Variants in A2ML1 observed in about 807,000 individuals in gnomAD.
A2ML1 encodes alpha-2-macroglobulin-like protein 1.
A neutral mutation model predicts 181.9 loss-of-function variants in A2ML1; 161 were observed. The observed-to-expected ratio is 0.89, with a 90% CI of 0.78 to 1.01. A2ML1 has a LOEUF of 1.01. Among genes scored for constraint, A2ML1 ranks in the 50% least tolerant of loss-of-function variants. The pLI, the probability that A2ML1 is intolerant of heterozygous loss-of-function variation, is 0.00. For synonymous variants in A2ML1, 663 were observed against 666.8 expected (o/e 0.99, Z 0.09); for missense variants, 1,670 against 1,768.1 (o/e 0.94, Z 1.00).
chr12:8,846,998 G>A (rs1456107938), intron 14 of A2ML1, among the ~76,000 whole-genome samples: 1 of 150,624 alleles, frequency 6.6e-6, no homozygotes, highest in East Asian at 2.0e-4. Flanking sequence ...GCAATGGTGC[G>A]ATCTCGGCTC....
rs201882887 is a variant in A2ML1 at position 8,851,769 on chromosome 12, C to T, written c.2235-15C>T. The T allele has an allele frequency of 4.3e-6, 7 of 1,613,412 alleles. No individual in the cohort carries two copies. In the African/African-American group the frequency reaches 8.0e-5, roughly 18 times the overall value. On this transcript the variant is annotated splice_polypyrimidine_tract_variant and intron_variant, in intron 18 of 35. Coordinates refer to ENST00000299698, the MANE Select transcript of A2ML1 (RefSeq NM_144670.6). ...ACGCTACCTCTGCCTCATGTTGGTC[C>T]TTGTGTTTTCACAGTAACTCGGGGA...
At chr12:8,829,070 C>T (rs1179216663) in intron 3 of A2ML1, among the ~76,000 whole-genome samples, 1 of 152,208 alleles carries the variant, frequency 6.6e-6, no homozygotes, top group Non-Finnish European at 1.5e-5. Context: ...TTTCTACCCT[C>T]TTCAGTGCCT....
Position 8,857,091 on chromosome 12 carries a change from T to A in A2ML1, c.2849-73T>A. ...TGATAGCTAATACGTGTTTGTTCAG[T>A]GAATGATGATAACTCTTAGAGGGTC... On this transcript the variant is annotated intron_variant, in intron 23 of 35. Coordinates refer to ENST00000299698, the MANE Select transcript of A2ML1 (RefSeq NM_144670.6). 7 of 1,427,436 alleles carry A rather than the reference T, an allele frequency of 4.9e-6. No homozygotes were observed. The South Asian group carries it at 9.0e-5, about 18-fold the overall frequency. 88.4% of individuals were successfully genotyped at this position (1,427,436 alleles called of 1,614,324 possible).
At chr12:8,842,514 C>T (rs1004144986) in intron 11 of A2ML1, among the ~76,000 whole-genome samples, 11 of 152,146 alleles carry the variant, frequency 7.2e-5, no homozygotes, top group South Asian at 2.1e-4. Context: ...CCACCGCGCC[C>T]GGCCCCTGTT....
intron 2 of A2ML1, 177 bp from the exon 3 acceptor site, chr12:8,823,543 G>A (rs1005749078): frequency 9.3e-7 from 1 of 1,078,020 alleles, no homozygotes; most frequent in Admixed American, 2.4e-5. Flanking sequence ...CTCGACCTAG[G>A]ATTTCTCCCT....
At position 8,863,669 on chromosome 12, in the gene A2ML1, T is replaced by C. The variant is rs374644950; in HGVS notation, c.3503-125T>C. The C allele has an allele frequency of 5.7e-4, 506 of 883,332 alleles. 10 individuals are homozygous for C. The South Asian group carries it at 8.4e-3, about 15-fold the overall frequency. The allele number at this position is 883,332 out of a possible 1,614,324, so 54.7% of individuals were successfully genotyped here. A position where few individuals can be genotyped will look rare whatever the true frequency, so the allele number is the denominator to read the frequency against. ...AATTAATCAGCTAAATCTAAGAAAT[T>C]TTTTTTCTACTCTGTTTAATTCTCA... On this transcript the variant is annotated intron_variant, in intron 28 of 35. Coordinates refer to ENST00000299698, the MANE Select transcript of A2ML1 (RefSeq NM_144670.6).
At position 8,885,213 on chromosome 12, in the gene A2ML1, A is replaced by C. The variant is rs753296094; in HGVS notation, c.*95-1294A>C. On this transcript the variant is annotated intron_variant and NMD_transcript_variant, in intron 7 of 7. Coordinates refer to the A2ML1 transcript ENST00000537475. ...TGTCTTTTGGTGAACAAAAGTTCTTAATTTTAATATAGTTCAAGTGAGTGA... is the reference window on the plus strand; with the variant it reads ...TGTCTTTTGGTGAACAAAAGTTCTTCATTTTAATATAGTTCAAGTGAGTGA... Among the ~76,000 whole-genome samples, 4 of 152,252 alleles carry C rather than the reference A, an allele frequency of 2.6e-5. No homozygotes were observed. The South Asian group carries it at 6.2e-4, about 24-fold the overall frequency.
At chr12:8,856,889 C>G (rs1478030373) in intron 23 of A2ML1, among the ~76,000 whole-genome samples, 1 of 141,180 alleles carries the variant, frequency 7.1e-6, no homozygotes, top group African/African-American at 2.7e-5. Flanking sequence ...CCAGGACACA[C>G]AGTAGGTACT....
At position 8,849,585 on chromosome 12, in the gene A2ML1, T is replaced by C. The variant is rs1943816951; in HGVS notation, c.2029-84T>C. The C allele has an allele frequency of 6.3e-6, 7 of 1,105,512 alleles. No homozygotes were observed. The Admixed American group carries it at 9.7e-5, about 15-fold the overall frequency. 68.5% of individuals were successfully genotyped at this position (1,105,512 alleles called of 1,614,324 possible). A position where few individuals can be genotyped will look rare whatever the true frequency, so the allele number is the denominator to read the frequency against. On this transcript the variant is annotated intron_variant, in intron 16 of 35. Coordinates refer to ENST00000299698, the MANE Select transcript of A2ML1 (RefSeq NM_144670.6). ...TTCAAAAAGAATGTTTTGTTTCAAC[T>C]CTTTGATGGTGGAATTCCTGGGCAG... is the stretch of plus-strand genomic sequence containing the variant.
At chr12:8,831,129 T>G (rs1183556647) in intron 4 of A2ML1, among the ~76,000 whole-genome samples, 1 of 151,990 alleles carries the variant, frequency 6.6e-6, no homozygotes, top group Non-Finnish European at 1.5e-5. Flanking sequence ...ATTTTATTTT[T>G]TTGTAGAGTT....
intron 4 of A2ML1, 115 bp downstream of exon 4, chr12:8,829,894 G>A: frequency 2.4e-6 from 3 of 1,270,690 alleles, no homozygotes; most frequent in Non-Finnish European, 3.4e-6. Flanking sequence ...CCTCTGGGTT[G>A]GAGACTGCTG....
intron 7 of A2ML1, among the ~76,000 whole-genome samples, chr12:8,884,075 C>T (rs1481782381): frequency 2.0e-5 from 3 of 152,162 alleles, no homozygotes; most frequent in East Asian, 1.9e-4. Flanking sequence ...CGTGACCCAC[C>T]ACACCTGGCC....
At chr12:8,872,980 G>C (rs940328874) in intron 33 of A2ML1, among the ~76,000 whole-genome samples, 2 of 151,608 alleles carry the variant, frequency 1.3e-5, no homozygotes. Context: ...CTGTATACTT[G>C]TTTTGTTTTT....
chr12:8,848,798 C>T lies in A2ML1; in HGVS notation c.1912C>T (p.Pro638Ser). The T allele has an allele frequency of 6.2e-7, 1 of 1,614,102 alleles. No individual in the cohort carries two copies. Among genetic ancestry groups the T allele is most frequent in the Non-Finnish European group, 8.5e-7 (1 of 1,180,008 alleles). ...AEYDQCPVSG[P>S]WDFPQPLIDP... ...GTATGATCAGTGTCCAGTGTCTGGC[C>T]CATGGGACTTTCCTCAGCCCCTCAT... Residue 638 changes from proline (P) to serine (S), a missense_variant, in exon 16 of 36, where the codon CCA (proline) becomes TCA (serine). By Grantham distance (74) the Pro-to-Ser change is moderately conservative (BLOSUM62 -1). Transcript: ENST00000299698.
At chr12:8,838,694 C>T (rs1943367274) in intron 9 of A2ML1, among the ~76,000 whole-genome samples, 1 of 151,714 alleles carries the variant, frequency 6.6e-6, no homozygotes, top group Admixed American at 6.6e-5. Flanking sequence ...GGGCAGATCA[C>T]GAGGTCAGGA....
intron 1 of A2ML1, 109 bp downstream of exon 1, chr12:8,822,822 C>T (rs938405617): frequency 3.0e-5 from 31 of 1,023,558 alleles, no homozygotes; most frequent in Non-Finnish European, 3.6e-5. Context: ...ATCTTAATTT[C>T]CTCCTCCTTT....
chr12:8,854,698 G>A, intron 21 of A2ML1, 82 bp from the exon 22 acceptor site: 1 of 1,494,426 alleles, frequency 6.7e-7, no homozygotes, highest in Admixed American at 1.7e-5. Context: ...GCACAGCGAG[G>A]GGCCTCCCTT....
rs199651558 is a variant in A2ML1 at position 8,854,214 on chromosome 12, C to G, written c.2677C>G (p.Arg893Gly). The G allele has an allele frequency of 1.2e-6, 2 of 1,608,412 alleles. No homozygotes were observed. The highest frequency in any genetic ancestry group is 2.2e-5 in the East Asian group (1 of 44,726). The change falls in exon 21 of 36, where the codon CGA becomes GGA. Residue 893 changes from arginine to glycine, a missense_variant. Coordinates refer to ENST00000299698, the MANE Select transcript of A2ML1 (RefSeq NM_144670.6). ...GAAGGGGTTTGTTCCCCAAAAGGGC[C>G]GAAGTGACACGCTCATCAAGCCAGT... ...GQKGFVPQKG[R>G]SDTLIKPVLV... is the part of the protein sequence containing the mutation.
At chr12:8,840,163 C>A (rs1313672995) in intron 10 of A2ML1, among the ~76,000 whole-genome samples, 3 of 151,740 alleles carry the variant, frequency 2.0e-5, no homozygotes, top group East Asian at 3.9e-4. Flanking sequence ...AGTTCGAGAC[C>A]AGCCTGGCCA....
Sources: gnomAD v4.1 joint callset for allele counts (sites outside exome capture counted in the v4.1 genomes callset) on GRCh38, gnomAD v4.1.1 for gene constraint, MANE v1.5 for transcripts, NCBI Gene and HGNC (gene_info 2026-07-23, HGNC 2026-07-21) for gene names.